Variants in TSPAN7 observed in about 807,000 individuals in gnomAD.
TSPAN7 encodes tetraspanin 7, also known as tetraspanin-7.
In TSPAN7, 1 loss-of-function variant was observed where a neutral mutation model predicts 17.6. The observed-to-expected ratio is 0.06, with a 90% CI of 0.02 to 0.27. The LOEUF (loss-of-function observed/expected upper bound fraction) is 0.27, where lower values mean the gene tolerates loss of function less well. Ranked by LOEUF, TSPAN7 falls within the 10% of genes least tolerant of loss-of-function variation. The probability of loss-of-function intolerance (pLI) is 1.00; values close to 1 mark genes in which losing one functional copy is unlikely to be tolerated. For synonymous variants in TSPAN7, 78 were observed against 79.0 expected (o/e 0.99, Z 0.07); for missense variants, 112 against 201.7 (o/e 0.56, Z 2.69).
intron 1 of TSPAN7, among the ~76,000 whole-genome samples, chrX:38,653,305 C>T (rs2069685708): frequency 9.0e-6 from 1 of 111,644 alleles, no homozygotes; most frequent in African/African-American, 3.3e-5. Flanking sequence ...ATCCCCCTCC[C>T]AGGCTGTGGG....
chrX:38,674,414 C>G, intron 4 of TSPAN7, 98 bp downstream of exon 4: 1 of 750,680 alleles, frequency 1.3e-6, no homozygotes, highest in Non-Finnish European at 2.0e-6. Flanking sequence ...CTATTTGTTC[C>G]CGTTCTTCAA....
At chrX:38,644,174 A>G (rs893641418) in intron 1 of TSPAN7, among the ~76,000 whole-genome samples, 4 of 112,065 alleles carry the variant, frequency 3.6e-5, no homozygotes, top group Non-Finnish European at 7.5e-5. Context: ...AGGGTGATGT[A>G]TAGGCTAAAA....
At chrX:38,665,466 G>A (rs1372228833) in intron 1 of TSPAN7, among the ~76,000 whole-genome samples, 1 of 111,641 alleles carries the variant, frequency 9.0e-6, no homozygotes, top group East Asian at 2.8e-4. Flanking sequence ...ATTGATGCAG[G>A]GTTCTAGTTT....
chrX:38,620,961 G>A (rs1343484803), intron 1 of TSPAN7, among the ~76,000 whole-genome samples: 1 of 112,180 alleles, frequency 8.9e-6, no homozygotes, highest in Non-Finnish European at 1.9e-5. Flanking sequence ...CTTAAAGCCC[G>A]TTAGAATTAG....
intron 1 of TSPAN7, chrX:38,566,478 C>A (rs1242019219): frequency 4.9e-6 from 2 of 406,415 alleles, no homozygotes; most frequent in African/African-American, 2.7e-5. Context: ...TTATTGACTA[C>A]TCTTGGGCTC....
intron 1 of TSPAN7, among the ~76,000 whole-genome samples, chrX:38,660,852 T>C (rs1042680457): frequency 2.3e-4 from 26 of 112,130 alleles, no homozygotes; most frequent in African/African-American, 8.4e-4. Context: ...AATTGAATGA[T>C]ATAGTAAATA....
At chrX:38,610,089 C>A (rs1228561120) in intron 1 of TSPAN7, among the ~76,000 whole-genome samples, 1 of 111,812 alleles carries the variant, frequency 8.9e-6, no homozygotes, top group Non-Finnish European at 1.9e-5. Context: ...GGGTTCTTGA[C>A]AGAAACTGGC....
chrX:38,604,659 A>G (rs1440939719), intron 1 of TSPAN7, among the ~76,000 whole-genome samples: 1 of 111,605 alleles, frequency 9.0e-6, no homozygotes, highest in Non-Finnish European at 1.9e-5. Context: ...TTGGCTGCGT[A>G]AATGGATACT....
chrX:38,594,713 T>G (rs1489102511), intron 1 of TSPAN7, among the ~76,000 whole-genome samples: 3 of 112,107 alleles, frequency 2.7e-5, no homozygotes, highest in Admixed American at 1.9e-4. Context: ...ACAATAAAAT[T>G]TGTTTTTATG....
intron 5 of TSPAN7, among the ~76,000 whole-genome samples, chrX:38,679,145 T>C (rs971759013): frequency 8.9e-6 from 1 of 112,573 alleles, no homozygotes; most frequent in African/African-American, 3.2e-5. Context: ...TAAAATCTTC[T>C]AGAATGAAGT....
At chrX:38,603,563 G>A (rs2069358581) in intron 1 of TSPAN7, among the ~76,000 whole-genome samples, 1 of 111,714 alleles carries the variant, frequency 9.0e-6, no homozygotes, top group Admixed American at 9.5e-5. Flanking sequence ...CCATACAATG[G>A]AATATTATTT....
At chrX:38,576,040 T>C (rs747987615) in intron 1 of TSPAN7, among the ~76,000 whole-genome samples, 2 of 112,010 alleles carry the variant, frequency 1.8e-5, no homozygotes, top group Non-Finnish European at 3.8e-5. Flanking sequence ...TTATTTATAT[T>C]GTGGGCCATA....
At chrX:38,681,119 G>T in intron 5 of TSPAN7, 85 bp from the exon 6 acceptor site, 1 of 717,181 alleles carries the variant, frequency 1.4e-6, no homozygotes, top group South Asian at 2.1e-5. Flanking sequence ...AGGTTGAAGT[G>T]TATGTTGGGA....
chrX:38,633,125 A>G (rs1051471671), intron 1 of TSPAN7, among the ~76,000 whole-genome samples: 6 of 112,495 alleles, frequency 5.3e-5, no homozygotes, highest in African/African-American at 1.9e-4. Context: ...GAATAAATCT[A>G]TTTGTACTTG....
chrX:38,616,626 C>T (rs1478619695), intron 1 of TSPAN7, among the ~76,000 whole-genome samples: 1 of 112,017 alleles, frequency 8.9e-6, no homozygotes, highest in Non-Finnish European at 1.9e-5. Context: ...AACAGAACAA[C>T]AACAAAATAA....
chrX:38,644,003 T>A (rs911989504), intron 1 of TSPAN7, among the ~76,000 whole-genome samples: 2 of 111,784 alleles, frequency 1.8e-5, no homozygotes, highest in Non-Finnish European at 3.8e-5. Context: ...ATCCTGACAA[T>A]GCCCTGTGCT....
intron 1 of TSPAN7, chrX:38,562,955 G>A: frequency 1.0e-6 from 1 of 961,414 alleles, no homozygotes; most frequent in Non-Finnish European, 1.3e-6. Context: ...CCATATATTA[G>A]CCCTATTTTT....
chrX:38,565,932 C>A (rs1383410463), intron 1 of TSPAN7, among the ~76,000 whole-genome samples: 1 of 111,257 alleles, frequency 9.0e-6, no homozygotes, highest in Non-Finnish European at 1.9e-5. Context: ...TGGGTAGAGG[C>A]CACAGATGCT....
intron 1 of TSPAN7, 27 bp downstream of exon 1, chrX:38,561,654 C>G (rs369898829): frequency 8.7e-7 from 1 of 1,151,048 alleles, no homozygotes; most frequent in African/African-American, 1.8e-5. Context: ...GGCCGGTGGC[C>G]GAGTCGCTGT....
Sources: gnomAD v4.1 joint callset for allele counts (sites outside exome capture counted in the v4.1 genomes callset) on GRCh38, gnomAD v4.1.1 for gene constraint, MANE v1.5 for transcripts, NCBI Gene and HGNC (gene_info 2026-07-23, HGNC 2026-07-21) for gene names.